Variants in RGS9 observed in about 807,000 individuals in gnomAD.
RGS9 encodes regulator of G-protein signalling 9.
Under a neutral mutation model 102.0 loss-of-function variants are expected in RGS9, and 78 were observed. The ratio of observed to expected loss-of-function variants is 0.76; its 90% CI spans 0.64 to 0.92. The LOEUF (loss-of-function observed/expected upper bound fraction) is 0.92, where lower values mean the gene tolerates loss of function less well. RGS9 is among the 40% of genes least tolerant of loss of function. The probability of loss-of-function intolerance (pLI) is 0.00; values close to 1 mark genes in which losing one functional copy is unlikely to be tolerated. For missense variants in RGS9, 833 were observed against 866.1 expected (o/e 0.96, Z 0.48); for synonymous variants, 353 against 318.6 (o/e 1.11, Z -1.15).
intron 2 of RGS9, among the ~76,000 whole-genome samples, chr17:65,154,180 G>A (rs1346920031): frequency 6.6e-6 from 1 of 152,066 alleles, no homozygotes; most frequent in Admixed American, 6.5e-5. Flanking sequence ...GGTGGTGCAT[G>A]CCTGTAATCC....
chr17:65,138,098 C>T (rs1182830055), intron 1 of RGS9, among the ~76,000 whole-genome samples: 1 of 152,222 alleles, frequency 6.6e-6, no homozygotes, highest in Non-Finnish European at 1.5e-5. Flanking sequence ...GCATCTCCTG[C>T]TGTCTGCGCT....
chr17:65,221,210 G>T (rs1486194097), intron 17 of RGS9, among the ~76,000 whole-genome samples: 1 of 152,198 alleles, frequency 6.6e-6, no homozygotes, highest in Non-Finnish European at 1.5e-5. Flanking sequence ...AAGATGCTAG[G>T]GGAGGAGTGG....
At chr17:65,160,022 G>A (rs1236682764) in intron 3 of RGS9, among the ~76,000 whole-genome samples, 1 of 152,184 alleles carries the variant, frequency 6.6e-6, no homozygotes, top group Non-Finnish European at 1.5e-5. Flanking sequence ...GTCACTCCTG[G>A]GGATAAGACC....
intron 11 of RGS9, 52 bp downstream of exon 11, chr17:65,190,288 G>C (rs1015864758): frequency 2.1e-6 from 3 of 1,431,858 alleles, no homozygotes; most frequent in Non-Finnish European, 3.0e-6. Context: ...AGGTAGACAA[G>C]AGGAGAACTT....
chr17:65,209,543 A>G (rs576911933), intron 16 of RGS9, among the ~76,000 whole-genome samples: 2 of 152,210 alleles, frequency 1.3e-5, no homozygotes, highest in Non-Finnish European at 2.9e-5. Context: ...TGCCCACTAC[A>G]TCACTTGGAT....
intron 1 of RGS9, among the ~76,000 whole-genome samples, chr17:65,139,204 C>T (rs550960223): frequency 7.1e-6 from 1 of 141,216 alleles, no homozygotes; most frequent in Admixed American, 7.1e-5. Flanking sequence ...CCAGCCTTCT[C>T]CTCCTCCATC....
intron 12 of RGS9, 24 bp from the exon 13 acceptor site, chr17:65,197,100 GGT>G: frequency 6.4e-7 from 1 of 1,553,208 alleles, no homozygotes; most frequent in African/African-American, 1.4e-5. Flanking sequence ...CTACCTCTCT[GGT>G]GCATTTACAA....
intron 16 of RGS9, 76 bp downstream of exon 16, chr17:65,208,083 T>A: frequency 1.0e-6 from 1 of 962,230 alleles, no homozygotes. Context: ...TTCAGCCAAA[T>A]GGCTATTATG....
chr17:65,157,629 C>T (rs1910815961), intron 2 of RGS9, among the ~76,000 whole-genome samples: 3 of 151,754 alleles, frequency 2.0e-5, no homozygotes, highest in Admixed American at 1.3e-4. Flanking sequence ...GGGCCTGGGG[C>T]GAGAGTACAC....
At chr17:65,203,313 G>A (rs926545239) in intron 14 of RGS9, among the ~76,000 whole-genome samples, 17 of 152,218 alleles carry the variant, frequency 1.1e-4, no homozygotes, top group East Asian at 1.9e-4. Context: ...CTGTCGGTCC[G>A]GGAAGCTTCC....
chr17:65,139,824 C>A (rs1910087930), intron 1 of RGS9, among the ~76,000 whole-genome samples: 1 of 152,228 alleles, frequency 6.6e-6, no homozygotes, highest in African/African-American at 2.4e-5. Flanking sequence ...GGTCATGTCA[C>A]AGAGCTCCTT....
chr17:65,140,401 G>A (rs1387936428), intron 1 of RGS9, among the ~76,000 whole-genome samples: 3 of 152,184 alleles, frequency 2.0e-5, no homozygotes, highest in Non-Finnish European at 4.4e-5. Context: ...GTGGGTTTGG[G>A]GCCATGTTCT....
intron 8 of RGS9, among the ~76,000 whole-genome samples, chr17:65,176,627 G>A (rs1911633928): frequency 1.3e-5 from 2 of 152,154 alleles, no homozygotes; most frequent in Admixed American, 6.5e-5. Context: ...GGAAGCCCAT[G>A]TATTAGTCTC....
intron 9 of RGS9, among the ~76,000 whole-genome samples, chr17:65,179,150 G>T (rs566491155): frequency 1.2e-3 from 185 of 152,294 alleles, no homozygotes; most frequent in Non-Finnish European, 2.2e-3. Flanking sequence ...AGGCATGAGT[G>T]GGGGCCTGTA....
Position 65,215,473 on chromosome 17 carries a change from TC to T in RGS9, c.1407+4869del, listed in dbSNP as rs1567893088. 7.2e-3 allele frequency among the ~76,000 whole-genome samples: 1,014 copies of T among 139,896 alleles called. 22 individuals carry two copies. The highest frequency in any genetic ancestry group is 0.029 in the African/African-American group (945 of 32,360). The allele number at this position is 139,896 out of a possible 152,430, so 91.8% of individuals were successfully genotyped here. ...CGGAGTTTCTCTTTCTTTCTTTCTTTCTCTATCTTTCTTTCGTTCTTTCGTT... is the reference window on the plus strand; with the variant it reads ...CGGAGTTTCTCTTTCTTTCTTTCTTTTCTATCTTTCTTTCGTTCTTTCGTT... On this transcript the variant is annotated intron_variant, in intron 17 of 18. Transcript: ENST00000262406.
intron 1 of RGS9, among the ~76,000 whole-genome samples, chr17:65,140,984 C>T (rs1401736703): frequency 6.6e-6 from 1 of 152,170 alleles, no homozygotes; most frequent in African/African-American, 2.4e-5. Context: ...TGTGCCCCTG[C>T]AGCTCCAACC....
chr17:65,168,545 CTTT>C lies in RGS9; in HGVS notation c.582+284_582+286del, dbSNP rs5821624. ...AATTTGTCTTTTACGAGGGCTGGGACTTTTTTTTTTTTTTTTTTTTTTGCTAGG... is the reference window on the plus strand; with the variant it reads ...AATTTGTCTTTTACGAGGGCTGGGACTTTTTTTTTTTTTTTTTTTGCTAGG... On this transcript the variant is annotated intron_variant, in intron 8 of 18. Coordinates refer to ENST00000262406, the MANE Select transcript of RGS9 (RefSeq NM_003835.4). Among the ~76,000 whole-genome samples the C allele has an allele frequency of 4.2e-3, 357 of 85,274 alleles. 3 individuals are homozygous for C. Among genetic ancestry groups the C allele is most frequent in the East Asian group, 0.015 (51 of 3,478 alleles). 55.9% of individuals were successfully genotyped at this position (85,274 alleles called of 152,430 possible).
At chr17:65,155,044 C>G (rs1910717599) in intron 2 of RGS9, among the ~76,000 whole-genome samples, 1 of 152,206 alleles carries the variant, frequency 6.6e-6, no homozygotes, top group Non-Finnish European at 1.5e-5. Context: ...AAGACCCACT[C>G]TTTTGTTGGA....
chr17:65,197,229 A>G lies in RGS9; in HGVS notation c.964A>G (p.Lys322Glu), dbSNP rs779199019. The G allele has an allele frequency of 9.9e-6, 16 of 1,610,216 alleles. No individual in the cohort carries two copies. Among genetic ancestry groups the G allele is most frequent in the Non-Finnish European group, 1.4e-5 (16 of 1,176,624 alleles). The change falls in exon 13 of 19, where the codon AAA becomes GAA. Residue 322 changes from lysine (K) to glutamate (E), a missense_variant. Lys to Glu is a moderately conservative substitution (Grantham distance 56, BLOSUM62 1). Around this residue, in one of 3 missense-constraint regions of RGS9, gnomAD observed 185 missense variants for 248.7 expected, o/e 0.74. Transcript: ENST00000262406. ...GRQSFQYFLK[K>E]EFSGENLGFW... is the part of the protein sequence containing the mutation. ...ACAGAGCTTCCAGTACTTCCTCAAGAAAGAATTCAGTGGTGGGTCTTTGTT... is the reference window on the plus strand; with the variant it reads ...ACAGAGCTTCCAGTACTTCCTCAAGGAAGAATTCAGTGGTGGGTCTTTGTT...
Sources: allele counts gnomAD v4.1 joint callset (sites outside exome capture counted in the v4.1 genomes callset), GRCh38; gene constraint gnomAD v4.1.1; regional missense constraint gnomAD v4.1.1; transcripts MANE v1.5; gene names NCBI Gene and HGNC (gene_info 2026-07-23, HGNC 2026-07-21).